The following OLFM3 variants were observed in gnomAD, a reference collection of about 807,000 sequenced individuals.
The protein encoded by OLFM3 is olfactomedin 3, also known as noelin-3.
OLFM3 carries 20 observed loss-of-function variants against 48.6 expected under a neutral mutation model. The ratio of observed to expected loss-of-function variants is 0.41; its 90% CI spans 0.29 to 0.60. The LOEUF (loss-of-function observed/expected upper bound fraction) is 0.60. Among genes scored for constraint, OLFM3 ranks in the 20% least tolerant of loss-of-function variants. The pLI, the probability that OLFM3 is intolerant of heterozygous loss-of-function variation, is 0.28. For synonymous variants in OLFM3, 222 were observed against 198.1 expected (o/e 1.12, Z -1.01); for missense variants, 437 against 544.3 (o/e 0.80, Z 1.96).
intron 1 of OLFM3, among the ~76,000 whole-genome samples, chr1:101,899,053 A>G (rs1381940508): frequency 6.6e-6 from 1 of 152,192 alleles, no homozygotes; most frequent in Non-Finnish European, 1.5e-5. Context: ...ACAAACATTG[A>G]TTATCTCACA....
Position 101,805,052 on chromosome 1 carries a change from C to T in OLFM3, c.700-137G>A, listed in dbSNP as rs189450036. 1.1e-5 allele frequency: 7 copies of T among 653,034 alleles called. No homozygotes were observed. In the Admixed American group the frequency reaches 1.2e-4, roughly 11 times the overall value. 40.5% of individuals were successfully genotyped at this position (653,034 alleles called of 1,614,324 possible). A position where few individuals can be genotyped will look rare whatever the true frequency, so the allele number is the denominator to read the frequency against. On this transcript the variant is annotated intron_variant, in intron 5 of 5. Transcript: ENST00000370103. ...CCACACTATCTTACTGCTGACCTGCCGCAATGTATTTCAGGCTTTTGTAAA... is the reference window on the plus strand; with the variant it reads ...CCACACTATCTTACTGCTGACCTGCTGCAATGTATTTCAGGCTTTTGTAAA...
At chr1:101,830,532 G>A in intron 3 of OLFM3, 140 bp downstream of exon 3, 1 of 845,748 alleles carries the variant, frequency 1.2e-6, no homozygotes. Context: ...TTTCAGTGGA[G>A]AGATGACTGA....
intron 1 of OLFM3, among the ~76,000 whole-genome samples, chr1:101,932,494 A>T (rs955678736): frequency 5.3e-5 from 8 of 152,176 alleles, no homozygotes; most frequent in African/African-American, 1.9e-4. Flanking sequence ...GGAACCCTGC[A>T]CAGGGCTATT....
intron 1 of OLFM3, among the ~76,000 whole-genome samples, chr1:101,956,618 A>C (rs1660305574): frequency 6.6e-6 from 1 of 151,874 alleles, no homozygotes; most frequent in Admixed American, 6.6e-5. Flanking sequence ...TGGCTTTAAA[A>C]ATTTTGAGTC....
chr1:101,916,577 C>T (rs1380763849), intron 1 of OLFM3, among the ~76,000 whole-genome samples: 2 of 152,140 alleles, frequency 1.3e-5, no homozygotes, highest in East Asian at 3.9e-4. Flanking sequence ...AGGAAGAATA[C>T]AATTAGAGCA....
chr1:101,957,760 A>G (rs1402670369), intron 1 of OLFM3, among the ~76,000 whole-genome samples: 3 of 152,088 alleles, frequency 2.0e-5, no homozygotes, highest in Non-Finnish European at 4.4e-5. Flanking sequence ...TTAAAAGGTT[A>G]GAGACTATTA....
At position 101,802,806 on chromosome 1, in the gene OLFM3, A is replaced by G. The variant is rs1653553543; in HGVS notation, c.*1432T>C. The G allele has an allele frequency of 6.6e-6, 1 of 151,642 alleles. No homozygotes were observed. The highest frequency in any genetic ancestry group is 1.5e-5 in the Non-Finnish European group (1 of 67,712). 9.4% of individuals were successfully genotyped at this position (151,642 alleles called of 1,614,324 possible). A position where few individuals can be genotyped will look rare whatever the true frequency, so the allele number is the denominator to read the frequency against. ...TATTTATTATAGAATATACTTTTTA[A>G]ATTGTAAAACCAACCTATATTAGTT... On this transcript the variant is annotated 3_prime_UTR_variant, in exon 6 of 6. Coordinates refer to ENST00000370103, the MANE Select transcript of OLFM3 (RefSeq NM_058170.4).
intron 1 of OLFM3, among the ~76,000 whole-genome samples, chr1:101,885,507 C>T (rs765438862): frequency 2.0e-5 from 3 of 152,016 alleles, no homozygotes; most frequent in Non-Finnish European, 4.4e-5. Context: ...GTGCCTGCCT[C>T]TCCTTTCTCT....
intron 1 of OLFM3, among the ~76,000 whole-genome samples, chr1:101,883,122 T>C (rs1035837192): frequency 6.6e-6 from 1 of 151,728 alleles, no homozygotes; most frequent in Non-Finnish European, 1.5e-5. Context: ...CAGCCAATCT[T>C]ACTCTGCAAA....
chr1:101,948,841 TTATG>T (rs1417630674), intron 1 of OLFM3, among the ~76,000 whole-genome samples: 1 of 147,786 alleles, frequency 6.8e-6, no homozygotes, highest in East Asian at 1.9e-4. Flanking sequence ...ATACATAATA[TTATG>T]TATTTTTATA....
Position 101,996,844 on chromosome 1 carries a change from C to T in OLFM3, c.-28G>A. The T allele has an allele frequency of 6.2e-7, 1 of 1,613,010 alleles. No homozygotes were observed. Among genetic ancestry groups the T allele is most frequent in the Non-Finnish European group, 8.5e-7 (1 of 1,179,014 alleles). On this transcript the variant is annotated 5_prime_UTR_variant, in exon 1 of 6. Coordinates refer to ENST00000370103, the MANE Select transcript of OLFM3 (RefSeq NM_058170.4). Reference sequence around the variant, plus strand: ...TGATCTGGGTTTTTGCCCCTCTTTACTCTCTTTTATGTAGGCTCTCCACTC... The same window carrying T: ...TGATCTGGGTTTTTGCCCCTCTTTATTCTCTTTTATGTAGGCTCTCCACTC...
intron 1 of OLFM3, among the ~76,000 whole-genome samples, chr1:101,920,548 G>A (rs12060073): frequency 0.36 from 55,436 of 152,108 alleles, 10,379 homozygotes; most frequent in African/African-American, 0.46. Flanking sequence ...TAGAAAATCT[G>A]ATGACAGCAA....
chr1:101,979,461 A>T (rs771661501), intron 1 of OLFM3, among the ~76,000 whole-genome samples: 1 of 152,170 alleles, frequency 6.6e-6, no homozygotes, highest in African/African-American at 2.4e-5. Flanking sequence ...ATGAGTTCTC[A>T]TGAGATCTGA....
At chr1:101,918,890 G>C (rs1659007988) in intron 1 of OLFM3, among the ~76,000 whole-genome samples, 1 of 151,988 alleles carries the variant, frequency 6.6e-6, no homozygotes, top group Admixed American at 6.6e-5. Flanking sequence ...AATATTAACA[G>C]GGAAGATGAT....
chr1:101,865,742 TCTGGTA>T (rs2100969540), intron 1 of OLFM3, among the ~76,000 whole-genome samples: 1 of 152,298 alleles, frequency 6.6e-6, no homozygotes, highest in South Asian at 2.1e-4. Flanking sequence ...TCATTCAAAG[TCTGGTA>T]ATGCCCACAC....
chr1:101,874,492 T>C (rs540685163), intron 1 of OLFM3, among the ~76,000 whole-genome samples: 26 of 146,534 alleles, frequency 1.8e-4, no homozygotes, highest in African/African-American at 6.8e-4. Flanking sequence ...TCTAATAATA[T>C]AATAATAATA....
At chr1:101,849,429 T>C (rs1336530894) in intron 1 of OLFM3, among the ~76,000 whole-genome samples, 2 of 152,224 alleles carry the variant, frequency 1.3e-5, no homozygotes, top group Admixed American at 1.3e-4. Context: ...GGCAATGAGA[T>C]GAAGCTGGAA....
chr1:101,840,474 T>TA (rs1431593833), intron 1 of OLFM3, among the ~76,000 whole-genome samples: 11 of 2,642 alleles, frequency 4.2e-3, no homozygotes, highest in South Asian at 0.17. Flanking sequence ...ATTTCAGAGA[T>TA]TTTTTTTTTT....
At chr1:101,805,479 A>T (rs1380644091) in intron 5 of OLFM3, among the ~76,000 whole-genome samples, 1 of 151,758 alleles carries the variant, frequency 6.6e-6, no homozygotes, top group Non-Finnish European at 1.5e-5. Context: ...AGAGAATCTT[A>T]ATTTTTACTG....
Sources: allele counts gnomAD v4.1 joint callset (sites outside exome capture counted in the v4.1 genomes callset), GRCh38; gene constraint gnomAD v4.1.1; transcripts MANE v1.5; gene names NCBI Gene and HGNC (gene_info 2026-07-23, HGNC 2026-07-21).